Variants in TENM3 observed in about 807,000 individuals in gnomAD.
The protein encoded by TENM3 is teneurin-3.
In TENM3, 63 loss-of-function variants were observed where a neutral mutation model predicts 255.1. The observed-to-expected ratio is 0.25, with a 90% CI of 0.20 to 0.30. The LOEUF (loss-of-function observed/expected upper bound fraction) is 0.30, where lower values mean the gene tolerates loss of function less well. TENM3 is among the 10% of genes least tolerant of loss of function. The pLI, the probability that TENM3 is intolerant of heterozygous loss-of-function variation, is 1.00. For missense variants in TENM3, 2,929 were observed against 3,461.1 expected (o/e 0.85, Z 3.86); for synonymous variants, 1,306 against 1,322.3 (o/e 0.99, Z 0.27).
chr4:181,535,719 C>T, the TENM3 span, among the ~76,000 whole-genome samples: 1 of 152,186 alleles, frequency 6.6e-6, no homozygotes, highest in African/African-American at 2.4e-5. Flanking sequence ...CAGGCAAGCT[C>T]TTGCCTCGGA....
At chr4:181,681,378 A>T in the TENM3 span, among the ~76,000 whole-genome samples, 1 of 152,134 alleles carries the variant, frequency 6.6e-6, no homozygotes, top group African/African-American at 2.4e-5. Flanking sequence ...AGGTGTAAAG[A>T]ACACCAGTCT....
At chr4:182,140,726 G>A (rs1749337746), upstream of TENM3, among the ~76,000 whole-genome samples, 1 of 152,234 alleles carries the variant, frequency 6.6e-6, no homozygotes. Flanking sequence ...GCTGCTACCC[G>A]GCCCCTTCAG....
rs183640067 is a variant in TENM3 at position 182,250,273 on chromosome 4, C to T, written c.-76+6797C>T. Among the ~76,000 whole-genome samples, 25 of 135,790 alleles carry T rather than the reference C, an allele frequency of 1.8e-4. No individual in the cohort carries two copies. The East Asian group carries it at 4.1e-3, about 22-fold the overall frequency. The allele number at this position is 135,790 out of a possible 152,430, so 89.1% of individuals were successfully genotyped here. A position where few individuals can be genotyped will look rare whatever the true frequency, so the allele number is the denominator to read the frequency against. ...TTCACTGTGTTAGCCAGGATGGTCT[C>T]GATCTCCTGACCTCATGATCCACCC... is the stretch of plus-strand genomic sequence containing the variant. On this transcript the variant is annotated intron_variant, in intron 1 of 27. Transcript: ENST00000511685.
At chr4:182,096,177 A>G in the TENM3 span, among the ~76,000 whole-genome samples, 1 of 152,092 alleles carries the variant, frequency 6.6e-6, no homozygotes, top group Non-Finnish European at 1.5e-5. Flanking sequence ...ATATTAGGTA[A>G]TATCAAAGAA....
intron 1 of TENM3, among the ~76,000 whole-genome samples, chr4:182,194,199 T>C (rs569048965): frequency 6.6e-6 from 1 of 152,318 alleles, no homozygotes; most frequent in Admixed American, 6.5e-5. Context: ...ATGGCACTTA[T>C]TAGTGCAGGC....
chr4:182,225,838 AC>A (rs923244335), intron 1 of TENM3, among the ~76,000 whole-genome samples: 1 of 152,164 alleles, frequency 6.6e-6, no homozygotes, highest in Admixed American at 6.5e-5. Flanking sequence ...TGAAGGTTAG[AC>A]CGGGGTCTCA....
rs114618367 is a variant in TENM3, at chr4:182,773,347, C to T, written c.4893-125C>T. On this transcript the variant is annotated intron_variant, in intron 22 of 27. Coordinates refer to ENST00000511685, the MANE Select transcript of TENM3 (RefSeq NM_001080477.4). ...CATGTTTGAAGTCTTCACTCTGCAT[C>T]GCTCATCCACGAAGACAAATAGTCC... 1,094 of 828,080 alleles carry T rather than the reference C, an allele frequency of 1.3e-3. 10 individuals are homozygous for T. In the African/African-American group the frequency reaches 0.017, roughly 13 times the overall value. The allele number at this position is 828,080 out of a possible 1,614,324, so 51.3% of individuals were successfully genotyped here. A position where few individuals can be genotyped will look rare whatever the true frequency, so the allele number is the denominator to read the frequency against.
At chr4:182,762,815 T>TAC (rs1274470762) in intron 22 of TENM3, among the ~76,000 whole-genome samples, 3 of 144,730 alleles carry the variant, frequency 2.1e-5, no homozygotes, top group African/African-American at 7.3e-5. Flanking sequence ...TGGTTGGGGA[T>TAC]ACTATCATCT....
chr4:182,290,249 C>G (rs144689798), intron 1 of TENM3, among the ~76,000 whole-genome samples: 1 of 152,070 alleles, frequency 6.6e-6, no homozygotes, highest in Non-Finnish European at 1.5e-5. Flanking sequence ...ACGAATGAAC[C>G]GTGAGCTGGC....
chr4:182,120,417 C>T, the TENM3 span, among the ~76,000 whole-genome samples: 6 of 151,966 alleles, frequency 3.9e-5, no homozygotes, highest in African/African-American at 9.7e-5. Context: ...CTCTGCCAAG[C>T]GATGCACAAC....
the TENM3 span, among the ~76,000 whole-genome samples, chr4:181,941,858 G>A: frequency 1.3e-5 from 2 of 152,162 alleles, no homozygotes; most frequent in Non-Finnish European, 2.9e-5. Flanking sequence ...TCATGAATTG[G>A]AATGAGATTG....
intron 1 of TENM3, among the ~76,000 whole-genome samples, chr4:182,312,872 A>G (rs1762536403): frequency 6.6e-6 from 1 of 152,214 alleles, no homozygotes; most frequent in Admixed American, 6.5e-5. Flanking sequence ...TTTCCCATCT[A>G]TTCTAAGTAT....
intron 1 of TENM3, among the ~76,000 whole-genome samples, chr4:182,206,056 A>G (rs1312670649): frequency 1.3e-5 from 2 of 152,144 alleles, no homozygotes; most frequent in Non-Finnish European, 2.9e-5. Context: ...TAAAATTAAA[A>G]AAAAAAAAGA....
the TENM3 span, among the ~76,000 whole-genome samples, chr4:181,521,870 G>T: frequency 6.6e-6 from 1 of 152,046 alleles, no homozygotes; most frequent in Admixed American, 6.5e-5. Flanking sequence ...GCCAAGACGG[G>T]CAGATCACGA....
chr4:181,828,681 C>T, the TENM3 span, among the ~76,000 whole-genome samples: 3 of 152,288 alleles, frequency 2.0e-5, no homozygotes, highest in African/African-American at 7.2e-5. Context: ...CTCCACCTTG[C>T]AGGTTCAAGT....
rs142845129 is a variant in TENM3 at position 182,226,682 on chromosome 4, C to G, written c.-76+81928C>G. On this transcript the variant is annotated intron_variant, in intron 1 of 2. Coordinates refer to the TENM3 transcript ENST00000512480. ...CTCCCTCCACCTTGGACCCATGCTG[C>G]TTTGCTCTATCTATAGCAAAGACCA... is the stretch of plus-strand genomic sequence containing the variant. Among the ~76,000 whole-genome samples, 1,366 of 152,272 alleles carry G rather than the reference C, an allele frequency of 9.0e-3. 14 individuals are homozygous for G. The highest frequency in any genetic ancestry group is 0.011 in the Non-Finnish European group (763 of 68,026).
chr4:181,567,588 C>T, the TENM3 span, among the ~76,000 whole-genome samples: 4 of 152,260 alleles, frequency 2.6e-5, no homozygotes, highest in East Asian at 1.9e-4. Flanking sequence ...GACCTTAGGG[C>T]TAAATAAACA....
the TENM3 span, among the ~76,000 whole-genome samples, chr4:181,758,993 T>A: frequency 2.6e-5 from 4 of 152,302 alleles, no homozygotes; most frequent in Non-Finnish European, 4.4e-5. Flanking sequence ...ATTGTTTAAG[T>A]GTTTTATTTT....
the TENM3 span, among the ~76,000 whole-genome samples, chr4:181,675,615 G>A: frequency 6.6e-6 from 1 of 152,110 alleles, no homozygotes; most frequent in Non-Finnish European, 1.5e-5. Flanking sequence ...AAGAGACATG[G>A]CAGAGACACT....
Sources: allele counts gnomAD v4.1 joint callset (sites outside exome capture counted in the v4.1 genomes callset), GRCh38; gene constraint gnomAD v4.1.1; transcripts MANE v1.5; gene names NCBI Gene and HGNC (gene_info 2026-07-23, HGNC 2026-07-21).